NOS1: variants seen among roughly 807,000 people sequenced by gnomAD.
NOS1 encodes the protein nitric oxide synthase 1.
A neutral mutation model predicts 164.5 loss-of-function variants in NOS1; 51 were observed. The observed-to-expected ratio is 0.31, with a 90% CI of 0.25 to 0.39. The LOEUF is 0.39. NOS1 is among the 10% of genes least tolerant of loss of function. The probability of loss-of-function intolerance (pLI) is 1.00; values close to 1 mark genes in which losing one functional copy is unlikely to be tolerated. For synonymous variants in NOS1, 719 were observed against 745.8 expected, an observed-to-expected ratio of 0.96 and a Z score of 0.59; for missense variants, 1,362 against 1,885.6, an observed-to-expected ratio of 0.72 and a Z score of 5.14.
chr12:117,288,207 T>C lies in NOS1; in HGVS notation c.994A>G (p.Thr332Ala), dbSNP rs1467655883. 1 of 1,612,754 alleles carries C rather than the reference T, an allele frequency of 6.2e-7. No individual in the cohort carries two copies. Among genetic ancestry groups the C allele is most frequent in the South Asian group, 1.1e-5 (1 of 91,022 alleles). ...HLKSTLETGC[T>A]EYICMGSIMH... ...ATGGAGCCCATGCAGATGTACTCAGTGCATCCCGTTTCCTGGAAGATCAAG... is the reference window on the plus strand; with the variant it reads ...ATGGAGCCCATGCAGATGTACTCAGCGCATCCCGTTTCCTGGAAGATCAAG... Residue 332 changes from threonine to alanine, a missense_variant, in exon 5 of 29, where the codon ACT becomes GCT. By Grantham distance (58) the Thr-to-Ala change is moderately conservative (BLOSUM62 0). This residue lies in a region of NOS1 where 129 missense variants were observed against 186.0 expected (regional missense o/e 0.69). Coordinates refer to ENST00000317775, the MANE Select transcript of NOS1 (RefSeq NM_000620.5).
At position 117,330,990 on chromosome 12, in the gene NOS1, C is replaced by A; in HGVS notation, c.80G>T (p.Gly27Val). ...CCGCTCCTTCACCAGAAATCCCAGGCCCCCAACTTTGCGCTTGAAGAGACG... is the reference window on the plus strand; with the variant it reads ...CCGCTCCTTCACCAGAAATCCCAGGACCCCAACTTTGCGCTTGAAGAGACG... ...SVRLFKRKVG[G>V]LGFLVKERVS... Residue 27 changes from glycine (G) to valine (V), a missense_variant, in exon 2 of 29, where the codon GGC becomes GTC. Gly to Val is a moderately radical substitution (Grantham distance 109). Around this residue, in one of 4 missense-constraint regions of NOS1, gnomAD observed 362 missense variants for 402.0 expected, o/e 0.90. Coordinates refer to ENST00000317775, the MANE Select transcript of NOS1 (RefSeq NM_000620.5). The surrounding 1 kb of genome is among the most constrained non-coding windows in gnomAD (Gnocchi z 4.6). 1 of 1,614,180 alleles carries A rather than the reference C, an allele frequency of 6.2e-7. No homozygotes were observed. The highest frequency in any genetic ancestry group is 2.2e-5 in the East Asian group (1 of 44,868).
rs769236065 is a variant in NOS1, at chr12:117,227,653, A to C, written c.3406-12T>G. 5 of 1,613,608 alleles carry C rather than the reference A, an allele frequency of 3.1e-6. No individual in the cohort carries two copies. In the South Asian group the frequency reaches 3.3e-5, roughly 11 times the overall value. On this transcript the variant is annotated splice_polypyrimidine_tract_variant and intron_variant, in intron 22 of 28. Coordinates refer to ENST00000317775, the MANE Select transcript of NOS1 (RefSeq NM_000620.5). ...TACTCCTGCAAACCCTGTGCCAAGGAGATGGACAGAGACAAGCTTGAACCC... is the reference window on the plus strand; with the variant it reads ...TACTCCTGCAAACCCTGTGCCAAGGCGATGGACAGAGACAAGCTTGAACCC...
chr12:117,229,812 C>T (rs942107599), intron 22 of NOS1, among the ~76,000 whole-genome samples: 5 of 152,242 alleles, frequency 3.3e-5, no homozygotes, highest in African/African-American at 7.2e-5. Context: ...TGGGCCCGAA[C>T]GCCTGACCTC....
chr12:117,314,448 G>A (rs972319446), intron 2 of NOS1, among the ~76,000 whole-genome samples: 6 of 152,122 alleles, frequency 3.9e-5, no homozygotes, highest in African/African-American at 1.4e-4. Flanking sequence ...TACTTGCACA[G>A]AAGTTATTTC....
intron 3 of NOS1, among the ~76,000 whole-genome samples, chr12:117,297,542 C>T (rs1387014804): frequency 6.6e-6 from 1 of 152,152 alleles, no homozygotes; most frequent in Non-Finnish European, 1.5e-5. Flanking sequence ...CAGGCATGTG[C>T]CACCATGCCT....
At position 117,212,844 on chromosome 12, in the gene NOS1, C is replaced by G; in HGVS notation, c.*2465G>C. 1.0e-6 allele frequency: 1 copy of G among 985,350 alleles called. No homozygotes were observed. The highest frequency in any genetic ancestry group is 1.7e-5 in the African/African-American group (1 of 57,330). The allele number at this position is 985,350 out of a possible 1,614,324, so 61.0% of individuals were successfully genotyped here. ...CTCTGGTCCTTGAGAGGTTACTCAA[C>G]AGAGAGAGAGGCTTTTGGTATCAGG... On this transcript the variant is annotated 3_prime_UTR_variant, in exon 29 of 29. Coordinates refer to ENST00000317775, the MANE Select transcript of NOS1 (RefSeq NM_000620.5).
At chr12:117,305,828 C>T (rs943393186) in intron 3 of NOS1, among the ~76,000 whole-genome samples, 4 of 149,654 alleles carry the variant, frequency 2.7e-5, no homozygotes, top group Non-Finnish European at 5.9e-5. Flanking sequence ...GTCTCACTCT[C>T]TTGCCTAGGC....
chr12:117,243,548 ACCATCCATCCAT>A lies in NOS1; in HGVS notation c.2824-125_2824-114del, dbSNP rs34385734. 6.6e-5 allele frequency: 39 copies of A among 587,956 alleles called. No homozygotes were observed. Among genetic ancestry groups the A allele is most frequent in the Middle Eastern group, 4.7e-4 (1 of 2,114 alleles). The allele number at this position is 587,956 out of a possible 1,614,324, so 36.4% of individuals were successfully genotyped here. A position where few individuals can be genotyped will look rare whatever the true frequency, so the allele number is the denominator to read the frequency against. On this transcript the variant is annotated intron_variant, in intron 18 of 28. Transcript: ENST00000317775. This position sits in a 1 kb window ranked among gnomAD's most constrained non-coding sequence, Gnocchi z 4.3. ...ATTCACCCATCCATCCATCTATCCAACCATCCATCCATCCATCCATCCATCCATCCATCCATC... is the reference window on the plus strand; with the variant it reads ...ATTCACCCATCCATCCATCTATCCAACCATCCATCCATCCATCCATCCATC...
chr12:117,262,553 T>C (rs1379404612), intron 13 of NOS1, among the ~76,000 whole-genome samples: 1 of 151,298 alleles, frequency 6.6e-6, no homozygotes, highest in East Asian at 1.9e-4. Context: ...TTCTATGGGC[T>C]CTATTAATGG....
intron 28 of NOS1, 52 bp from the exon 29 acceptor site, chr12:117,215,376 G>C (rs760264601): frequency 9.6e-6 from 14 of 1,463,928 alleles, no homozygotes; most frequent in East Asian, 2.5e-5. Context: ...CAAGGCTGCT[G>C]TTTCCTCTGA....
At chr12:117,290,165 G>A in intron 4 of NOS1, 133 bp downstream of exon 4, 1 of 1,025,426 alleles carries the variant, frequency 9.8e-7, no homozygotes, top group South Asian at 1.7e-5. Context: ...TGACATCTAG[G>A]GGGTATGGGT....
At position 117,242,496 on chromosome 12, in the gene NOS1, CA is replaced by C. The variant is rs1870262271; in HGVS notation, c.3041+130del. On this transcript the variant is annotated intron_variant, in intron 20 of 28. Transcript: ENST00000317775. ...AGGAACCCCAGACACTATAAAGCAG[CA>C]AGGGGGTCTCTATGGCACTTTGCAA... 6.6e-6 allele frequency: 5 copies of C among 758,704 alleles called. No individual in the cohort carries two copies. In the African/African-American group the frequency reaches 8.6e-5, roughly 13 times the overall value. 47.0% of individuals were successfully genotyped at this position (758,704 alleles called of 1,614,324 possible).
chr12:117,274,396 G>T (rs1280658871), intron 9 of NOS1, among the ~76,000 whole-genome samples: 2 of 152,092 alleles, frequency 1.3e-5, no homozygotes, highest in Non-Finnish European at 2.9e-5. Context: ...TATGCAGAAC[G>T]GTATGGCAGA....
intron 9 of NOS1, among the ~76,000 whole-genome samples, chr12:117,273,643 C>A (rs1024414857): frequency 6.6e-6 from 1 of 152,002 alleles, no homozygotes; most frequent in African/African-American, 2.4e-5. Context: ...AGGATCAATG[C>A]TATTATTTAT....
chr12:117,249,320 C>A (rs542116249), intron 17 of NOS1, among the ~76,000 whole-genome samples: 2 of 152,140 alleles, frequency 1.3e-5, no homozygotes, highest in African/African-American at 4.8e-5. Context: ...TTCTAAGTAT[C>A]GCCATCATCA....
intron 28 of NOS1, among the ~76,000 whole-genome samples, chr12:117,215,676 G>T (rs558688664): frequency 2.0e-5 from 3 of 151,866 alleles, no homozygotes; most frequent in South Asian, 4.2e-4. Flanking sequence ...CAGGTGATCT[G>T]CCCGCCTCAG....
intron 23 of NOS1, 94 bp from the exon 24 acceptor site, chr12:117,226,864 C>G: frequency 1.1e-6 from 1 of 893,314 alleles, no homozygotes; most frequent in Non-Finnish European, 1.8e-6. Context: ...AGGCCCAGTG[C>G]CAAGTTTATC....
intron 3 of NOS1, among the ~76,000 whole-genome samples, chr12:117,291,615 C>T (rs536919825): frequency 8.3e-5 from 12 of 143,868 alleles, no homozygotes; most frequent in African/African-American, 2.6e-4. Flanking sequence ...CTCACTGTAG[C>T]CTTGACCTCC....
intron 3 of NOS1, among the ~76,000 whole-genome samples, chr12:117,293,684 G>GTATTATTACTTGTATTAC (rs1378116943): frequency 6.6e-6 from 1 of 151,078 alleles, no homozygotes; most frequent in South Asian, 2.1e-4. Context: ...ATTACTACTT[G>GTATTATTACTTGTATTAC]TATTATTACT....
Sources: gnomAD v4.1 joint callset for allele counts (sites outside exome capture counted in the v4.1 genomes callset) on GRCh38, gnomAD v4.1.1 for gene constraint, gnomAD v4.1.1 regional missense constraint, Gnocchi (gnomAD v3.1) non-coding constraint, MANE v1.5 for transcripts, NCBI Gene and HGNC (gene_info 2026-07-23, HGNC 2026-07-21) for gene names.